The following PPFIA2 variants were observed in gnomAD, a reference collection of about 807,000 sequenced individuals.
PPFIA2 encodes PPFI scaffold protein A2, also known as liprin-alpha-2.
PPFIA2 carries 46 observed loss-of-function variants against 175.5 expected under a neutral mutation model. The ratio of observed to expected loss-of-function variants is 0.26; its 90% confidence interval spans 0.21 to 0.34. The LOEUF (loss-of-function observed/expected upper bound fraction) is 0.34, where lower values mean the gene tolerates loss of function less well. Among genes scored for constraint, PPFIA2 ranks in the 10% least tolerant of loss-of-function variants. The pLI is 1.00. For missense variants in PPFIA2, 1,179 were observed against 1,506.1 expected (o/e 0.78, Z 3.60); for synonymous variants, 568 against 511.4 (o/e 1.11, Z -1.49).
intron 4 of PPFIA2, among the ~76,000 whole-genome samples, chr12:81,480,789 T>C (rs1593678484): frequency 6.6e-6 from 1 of 152,102 alleles, no homozygotes; most frequent in African/African-American, 2.4e-5. Context: ...GGAAGCTTCC[T>C]CCCAGAGGGG....
chr12:81,291,137 A>G (rs2137597205), intron 24 of PPFIA2, among the ~76,000 whole-genome samples: 1 of 152,080 alleles, frequency 6.6e-6, no homozygotes, highest in African/African-American at 2.4e-5. Flanking sequence ...GAAAAAATTA[A>G]CATTGATTAT....
intron 4 of PPFIA2, among the ~76,000 whole-genome samples, chr12:81,628,157 T>C (rs2062941348): frequency 6.6e-6 from 1 of 152,172 alleles, no homozygotes; most frequent in Non-Finnish European, 1.5e-5. Flanking sequence ...TTTTAAGATA[T>C]CATAAGATGA....
At chr12:81,593,789 AG>A (rs1296335997) in intron 4 of PPFIA2, among the ~76,000 whole-genome samples, 13 of 152,162 alleles carry the variant, frequency 8.5e-5, no homozygotes, top group Non-Finnish European at 2.9e-5. Context: ...CAACTTTTTT[AG>A]GAAAGAAAGT....
At chr12:81,677,964 CCCAG>C (rs1370413908) in intron 3 of PPFIA2, among the ~76,000 whole-genome samples, 1 of 151,810 alleles carries the variant, frequency 6.6e-6, no homozygotes, top group East Asian at 1.9e-4. Context: ...AGTAAAATCA[CCCAG>C]GTTTTTAGTG....
chr12:81,725,701 T>C (rs561440735), intron 3 of PPFIA2, among the ~76,000 whole-genome samples: 1 of 150,632 alleles, frequency 6.6e-6, no homozygotes, highest in East Asian at 2.0e-4. Flanking sequence ...GTAGAGATGA[T>C]AAAGGAAATA....
chr12:81,443,896 C>T (rs1359046726), intron 6 of PPFIA2, among the ~76,000 whole-genome samples: 1 of 137,914 alleles, frequency 7.3e-6, no homozygotes, highest in Non-Finnish European at 1.5e-5. Context: ...TCGCTGTCAC[C>T]CAGGCTGGAG....
intron 4 of PPFIA2, among the ~76,000 whole-genome samples, chr12:81,490,033 ATT>A (rs2059262041): frequency 6.6e-6 from 1 of 151,780 alleles, no homozygotes; most frequent in African/African-American, 2.4e-5. Flanking sequence ...CCATTGTAAC[ATT>A]TTCCCCATTA....
chr12:81,519,503 C>A (rs1402376418), intron 4 of PPFIA2, among the ~76,000 whole-genome samples: 1 of 152,156 alleles, frequency 6.6e-6, no homozygotes, highest in Non-Finnish European at 1.5e-5. Flanking sequence ...ACCCACATTA[C>A]ATAAGCATGC....
At chr12:81,632,788 G>A (rs1378565817) in intron 4 of PPFIA2, among the ~76,000 whole-genome samples, 2 of 151,982 alleles carry the variant, frequency 1.3e-5, no homozygotes, top group Admixed American at 6.5e-5. Context: ...AAGGGGTCCC[G>A]TTTTAACTGG....
At chr12:81,703,470 T>A (rs1393942099) in intron 3 of PPFIA2, among the ~76,000 whole-genome samples, 1 of 152,052 alleles carries the variant, frequency 6.6e-6, no homozygotes, top group Non-Finnish European at 1.5e-5. Flanking sequence ...ATGTATAGCA[T>A]CTTCTTTTCA....
intron 4 of PPFIA2, among the ~76,000 whole-genome samples, chr12:81,520,309 G>C (rs116352172): frequency 1.3e-5 from 2 of 152,178 alleles, no homozygotes; most frequent in African/African-American, 4.8e-5. Context: ...CAGGCAGAAC[G>C]AAGCAGGTTG....
intron 4 of PPFIA2, among the ~76,000 whole-genome samples, chr12:81,673,625 A>G (rs2153566079): frequency 6.6e-6 from 1 of 152,180 alleles, no homozygotes; most frequent in South Asian, 2.1e-4. Flanking sequence ...GAATGGAAAC[A>G]TATGCCAAAT....
chr12:81,282,298 C>A (rs956463999), intron 26 of PPFIA2, among the ~76,000 whole-genome samples: 1 of 151,980 alleles, frequency 6.6e-6, no homozygotes, highest in Non-Finnish European at 1.5e-5. Context: ...TGTTCCTCTT[C>A]TTTTGTGTGT....
chr12:81,369,520 G>C (rs953503192), intron 11 of PPFIA2: 6 of 825,166 alleles, frequency 7.3e-6, no homozygotes, highest in Non-Finnish European at 9.3e-6. Context: ...CTGCACAGAT[G>C]GTTGATTATC....
At chr12:81,263,982 T>C (rs1262454363) in intron 30 of PPFIA2, among the ~76,000 whole-genome samples, 2 of 152,232 alleles carry the variant, frequency 1.3e-5, no homozygotes, top group Non-Finnish European at 2.9e-5. Flanking sequence ...AAAATCTGTG[T>C]AGCCTGGACA....
chr12:81,493,748 GT>G (rs2059676104), intron 4 of PPFIA2, among the ~76,000 whole-genome samples: 1 of 127,962 alleles, frequency 7.8e-6, no homozygotes, highest in Non-Finnish European at 1.6e-5. Context: ...GTGTGTGTGT[GT>G]GTGTCTATAT....
chr12:81,561,592 A>G (rs1233281730), intron 4 of PPFIA2, among the ~76,000 whole-genome samples: 1 of 152,122 alleles, frequency 6.6e-6, no homozygotes, highest in Non-Finnish European at 1.5e-5. Flanking sequence ...CTATCTTCCT[A>G]TTACTTCCCC....
chr12:81,495,383 A>G (rs184058566), intron 4 of PPFIA2, among the ~76,000 whole-genome samples: 4 of 152,266 alleles, frequency 2.6e-5, no homozygotes, highest in Admixed American at 2.6e-4. Flanking sequence ...TAGAAAATTT[A>G]TATTTTTTTA....
At position 81,701,306 on chromosome 12, in the gene PPFIA2, G is replaced by C. The variant is rs376710572; in HGVS notation, c.250-24462C>G. On this transcript the variant is annotated intron_variant, in intron 3 of 32. Transcript: ENST00000549396. Reference sequence around the variant, plus strand: ...GCTGCTATTACTGCTCATTACAGGTGGGAAGTTGACCTGCTGCCTCCATAT... The same window carrying C: ...GCTGCTATTACTGCTCATTACAGGTCGGAAGTTGACCTGCTGCCTCCATAT... Among the ~76,000 whole-genome samples the C allele has an allele frequency of 4.6e-5, 7 of 152,236 alleles. No homozygotes were observed. The East Asian group carries it at 1.4e-3, about 29-fold the overall frequency.
Sources: allele counts gnomAD v4.1 joint callset (sites outside exome capture counted in the v4.1 genomes callset), GRCh38; gene constraint gnomAD v4.1.1; transcripts MANE v1.5; gene names NCBI Gene and HGNC (gene_info 2026-07-23, HGNC 2026-07-21).